The following CLIC5 variants were observed in gnomAD, a reference collection of about 807,000 sequenced individuals.
CLIC5 encodes chloride intracellular channel protein 5.
A neutral mutation model predicts 24.7 loss-of-function variants in CLIC5; 20 were observed. The observed-to-expected ratio is 0.81, with a 90% CI of 0.57 to 1.18. The LOEUF (loss-of-function observed/expected upper bound fraction) is 1.18, where lower values mean the gene tolerates loss of function less well. CLIC5 is among the 50% of genes most tolerant of loss of function. CLIC5 has a pLI of 0.00. For missense variants in CLIC5, 341 were observed against 326.1 expected (o/e 1.05, Z -0.35); for synonymous variants, 159 against 135.6 (o/e 1.17, Z -1.20).
At chr6:45,964,351 A>T (rs1042288250) in intron 1 of CLIC5, among the ~76,000 whole-genome samples, 11 of 152,206 alleles carry the variant, frequency 7.2e-5, no homozygotes, top group African/African-American at 2.7e-4. Context: ...TGTCCTTCAT[A>T]ACCTTTCCAC....
At chr6:45,974,497 G>GTATATATATATATA (rs1554154071) in intron 1 of CLIC5, among the ~76,000 whole-genome samples, 4 of 76,198 alleles carry the variant, frequency 5.2e-5, no homozygotes, top group Admixed American at 1.7e-4. Context: ...GTGTGTGTGT[G>GTATATATATATATA]TATATATATA....
At chr6:45,964,338 G>A (rs957494842) in intron 1 of CLIC5, among the ~76,000 whole-genome samples, 3 of 152,144 alleles carry the variant, frequency 2.0e-5, no homozygotes, top group Non-Finnish European at 2.9e-5. Flanking sequence ...TTCCAATCCC[G>A]TATGTCCTTC....
At chr6:46,002,744 G>T (rs1766407507) in intron 1 of CLIC5, among the ~76,000 whole-genome samples, 1 of 152,224 alleles carries the variant, frequency 6.6e-6, no homozygotes, top group African/African-American at 2.4e-5. Flanking sequence ...AGAGAAGTGG[G>T]TAGGAGACTT....
chr6:46,042,205 G>A (rs1036995736), intron 1 of CLIC5, among the ~76,000 whole-genome samples: 10 of 152,144 alleles, frequency 6.6e-5, no homozygotes, highest in Non-Finnish European at 8.8e-5. Context: ...TAAAATGCTC[G>A]TTTGCCTTGC....
At chr6:45,884,756 C>T (rs1193697043) in intron 6 of CLIC5, among the ~76,000 whole-genome samples, 1 of 152,006 alleles carries the variant, frequency 6.6e-6, no homozygotes, top group Admixed American at 6.6e-5. Context: ...GATACCGATG[C>T]CCAATAACTG....
At chr6:46,093,612 G>C in the CLIC5 span, among the ~76,000 whole-genome samples, 1 of 152,166 alleles carries the variant, frequency 6.6e-6, no homozygotes, top group South Asian at 2.1e-4. Context: ...TAAAATTAAA[G>C]ACTGACAACA....
the CLIC5 span, among the ~76,000 whole-genome samples, chr6:46,087,488 C>T: frequency 1.1e-4 from 16 of 152,202 alleles, no homozygotes; most frequent in African/African-American, 3.6e-4. Context: ...ACTGCTCTGC[C>T]CTGGCACTGT....
the CLIC5 span, among the ~76,000 whole-genome samples, chr6:46,109,460 A>T: frequency 7.3e-6 from 1 of 137,336 alleles, no homozygotes; most frequent in Non-Finnish European, 1.5e-5. Flanking sequence ...CGGGTGCATC[A>T]TGAGGTCAAG....
At chr6:46,051,040 G>C (rs1424170052) in intron 1 of CLIC5, among the ~76,000 whole-genome samples, 2 of 152,142 alleles carry the variant, frequency 1.3e-5, no homozygotes, top group Non-Finnish European at 2.9e-5. Flanking sequence ...ACTACAAAAA[G>C]ATTTTTCTGT....
intron 2 of CLIC5, among the ~76,000 whole-genome samples, chr6:45,953,823 G>A (rs907559761): frequency 6.6e-6 from 1 of 152,178 alleles, no homozygotes; most frequent in African/African-American, 2.4e-5. Context: ...GAGACTCTCA[G>A]GGTGGCAGTG....
chr6:45,958,476 AAACAGC>A (rs1764740630), intron 1 of CLIC5, among the ~76,000 whole-genome samples: 1 of 139,578 alleles, frequency 7.2e-6, no homozygotes, highest in East Asian at 2.2e-4. Flanking sequence ...ATATATATAT[AAACAGC>A]TAATGGCAAA....
At chr6:46,058,450 T>G (rs1306851232) in intron 1 of CLIC5, among the ~76,000 whole-genome samples, 1 of 152,106 alleles carries the variant, frequency 6.6e-6, no homozygotes, top group Admixed American at 6.5e-5. Context: ...AACGGCAAAT[T>G]TGAGATTTGA....
chr6:46,058,470 T>C (rs906726302), intron 1 of CLIC5, among the ~76,000 whole-genome samples: 4 of 152,252 alleles, frequency 2.6e-5, no homozygotes, highest in Non-Finnish European at 5.9e-5. Context: ...AATTCAATTG[T>C]ACTTCCAAAG....
At chr6:45,992,880 C>T (rs1308996436) in intron 1 of CLIC5, among the ~76,000 whole-genome samples, 1 of 152,120 alleles carries the variant, frequency 6.6e-6, no homozygotes, top group Non-Finnish European at 1.5e-5. Context: ...GTGATAATTA[C>T]CCCCCTGCCT....
Position 46,015,687 on chromosome 6 carries a change from A to C in CLIC5, c.-145T>G. ...TTTTTCACAAAACCATCTATTCTCC[A>C]GCCCGAGCAGCGGGGTCTGAGAGAT... On this transcript the variant is annotated 5_prime_UTR_variant, in exon 1 of 6. Transcript: ENST00000339561. The C allele has an allele frequency of 7.8e-7, 1 of 1,287,778 alleles. No homozygotes were observed. The highest frequency in any genetic ancestry group is 9.9e-7 in the Non-Finnish European group (1 of 1,012,708). 79.8% of individuals were successfully genotyped at this position (1,287,778 alleles called of 1,614,324 possible). A position where few individuals can be genotyped will look rare whatever the true frequency, so the allele number is the denominator to read the frequency against.
intron 5 of CLIC5, among the ~76,000 whole-genome samples, chr6:45,906,378 G>A (rs1469669666): frequency 1.3e-5 from 2 of 152,052 alleles, no homozygotes; most frequent in African/African-American, 4.8e-5. Flanking sequence ...TGTGTCAGCT[G>A]CAATTTCCTT....
chr6:46,071,600 T>C (rs1483123429), intron 1 of CLIC5, among the ~76,000 whole-genome samples: 1 of 152,172 alleles, frequency 6.6e-6, no homozygotes, highest in Non-Finnish European at 1.5e-5. Context: ...CTGGCAAAGT[T>C]GCAGAGATTA....
chr6:46,090,932 G>A, the CLIC5 span, among the ~76,000 whole-genome samples: 1 of 152,158 alleles, frequency 6.6e-6, no homozygotes, highest in Non-Finnish European at 1.5e-5. Context: ...CTTCAAACTT[G>A]TGATCAAATA....
intron 1 of CLIC5, among the ~76,000 whole-genome samples, chr6:46,057,230 C>T (rs1028779347): frequency 1.3e-5 from 2 of 152,150 alleles, no homozygotes; most frequent in East Asian, 1.9e-4. Context: ...GTGGGAGGGA[C>T]CCAGGGGGAG....
Sources: allele counts gnomAD v4.1 joint callset (sites outside exome capture counted in the v4.1 genomes callset), GRCh38; gene constraint gnomAD v4.1.1; transcripts MANE v1.5; gene names NCBI Gene and HGNC (gene_info 2026-07-23, HGNC 2026-07-21).